The following CDC42SE2 variants were observed in gnomAD, a reference collection of about 807,000 sequenced individuals.
CDC42SE2 encodes CDC42 small effector protein 2.
CDC42SE2 carries 3 observed loss-of-function variants against 11.5 expected under a neutral mutation model. The ratio of observed to expected loss-of-function variants is 0.26; its 90% confidence interval spans 0.12 to 0.67. The LOEUF (loss-of-function observed/expected upper bound fraction) is 0.67. CDC42SE2 is among the 30% of genes least tolerant of loss of function. The pLI is 0.80. For synonymous variants in CDC42SE2, 33 were observed against 34.8 expected, an observed-to-expected ratio of 0.95 and a Z score of 0.18; for missense variants, 82 against 106.8, an observed-to-expected ratio of 0.77 and a Z score of 1.02.
chr5:131,231,153 C>A, the CDC42SE2 span, among the ~76,000 whole-genome samples: 1 of 152,076 alleles, frequency 6.6e-6, no homozygotes, highest in Admixed American at 6.6e-5. Context: ...CTTCTCCCTC[C>A]TTTTTAATTC....
chr5:131,232,766 A>C, the CDC42SE2 span, among the ~76,000 whole-genome samples: 1 of 150,626 alleles, frequency 6.6e-6, no homozygotes, highest in African/African-American at 2.4e-5. Context: ...CAAAACAGAA[A>C]TATTATCCCG....
chr5:131,237,168 G>A, the CDC42SE2 span, among the ~76,000 whole-genome samples: 41,300 of 151,874 alleles, frequency 0.27, 6,984 homozygotes, highest in African/African-American at 0.48. Context: ...ATTGTTTTTT[G>A]CATCCCACTC....
intron 1 of CDC42SE2, among the ~76,000 whole-genome samples, chr5:131,285,638 T>C (rs1427134029): frequency 1.3e-5 from 2 of 152,208 alleles, no homozygotes; most frequent in Non-Finnish European, 2.9e-5. Flanking sequence ...AACTCTATTC[T>C]AGGATTTTTA....
At chr5:131,255,867 AT>A (rs1263839519) in intron 2 of CDC42SE2, among the ~76,000 whole-genome samples, 1 of 152,232 alleles carries the variant, frequency 6.6e-6, no homozygotes, top group African/African-American at 2.4e-5. Flanking sequence ...TATATGAATT[AT>A]TAAATTTAAT....
At chr5:131,296,912 A>G in intron 1 of CDC42SE2, among the ~76,000 whole-genome samples, 1 of 152,056 alleles carries the variant, frequency 6.6e-6, no homozygotes, top group Non-Finnish European at 1.5e-5. Context: ...AGATTATTAT[A>G]AAAGATTTCC....
Position 131,364,787 on chromosome 5 carries a change from A to G in CDC42SE2, c.54+5240A>G, listed in dbSNP as rs144042242. ...CTGCCATTTGTTGTTGTTCTGATGT[A>G]TAGTTTTAACCTATAATAGTCAGGG... is the stretch of plus-strand genomic sequence containing the variant. On this transcript the variant is annotated intron_variant, in intron 3 of 4. Transcript: ENST00000505065. 7.3e-3 allele frequency among the ~76,000 whole-genome samples: 1,111 copies of G among 152,264 alleles called. 15 individuals are homozygous for G. Among genetic ancestry groups the G allele is most frequent in the African/African-American group, 0.026 (1,065 of 41,524 alleles).
chr5:131,289,764 A>G (rs970411556), intron 1 of CDC42SE2, among the ~76,000 whole-genome samples: 1 of 152,038 alleles, frequency 6.6e-6, no homozygotes, highest in Non-Finnish European at 1.5e-5. Flanking sequence ...GTCTCTCCCA[A>G]TTGTCCTTTT....
upstream of CDC42SE2, among the ~76,000 whole-genome samples, chr5:131,243,039 C>T (rs1291045670): frequency 6.6e-6 from 1 of 152,218 alleles, no homozygotes; most frequent in Non-Finnish European, 1.5e-5. Context: ...CTTACTCATC[C>T]TTAGTCCTTT....
intron 2 of CDC42SE2, among the ~76,000 whole-genome samples, chr5:131,357,111 T>C (rs1378570605): frequency 6.6e-6 from 1 of 152,234 alleles, no homozygotes; most frequent in East Asian, 1.9e-4. Context: ...AACTTCACAG[T>C]ATTTACCCAA....
chr5:131,348,703 A>T (rs977989545), intron 2 of CDC42SE2, among the ~76,000 whole-genome samples: 2 of 152,196 alleles, frequency 1.3e-5, no homozygotes, highest in Non-Finnish European at 2.9e-5. Flanking sequence ...AAGCCAAAAG[A>T]ACAAAGGTGG....
At chr5:131,319,975 C>T (rs1005258730) in intron 2 of CDC42SE2, among the ~76,000 whole-genome samples, 15 of 141,358 alleles carry the variant, frequency 1.1e-4, no homozygotes, top group Non-Finnish European at 1.7e-4. Context: ...GGCGTGAACC[C>T]GGGAGGCAGA....
intron 1 of CDC42SE2, among the ~76,000 whole-genome samples, chr5:131,281,261 C>A (rs755776653): frequency 6.6e-6 from 1 of 152,146 alleles, no homozygotes; most frequent in Non-Finnish European, 1.5e-5. Context: ...TTTTCTCTTA[C>A]CCCCTTGTGC....
rs1750745509 is a variant in CDC42SE2 at position 131,393,714 on chromosome 5, A to T, written c.*2623A>T. 6.6e-6 allele frequency: 1 copy of T among 152,070 alleles called. No homozygotes were observed. Among genetic ancestry groups the T allele is most frequent in the South Asian group, 2.1e-4 (1 of 4,824 alleles). 9.4% of individuals were successfully genotyped at this position (152,070 alleles called of 1,614,324 possible). ...ACTTCTATTTTGACTGACTCTTTAA[A>T]TTAGTACAATTTTTCTACTTGTCAT... On this transcript the variant is annotated 3_prime_UTR_variant, in exon 5 of 5. Coordinates refer to ENST00000505065, the MANE Select transcript of CDC42SE2 (RefSeq NM_001375635.1).
the CDC42SE2 span, among the ~76,000 whole-genome samples, chr5:131,210,249 G>T: frequency 6.6e-6 from 1 of 152,216 alleles, no homozygotes; most frequent in African/African-American, 2.4e-5. Context: ...ATACAGAGGT[G>T]CTGGAGGCAA....
At chr5:131,350,524 A>G (rs1004908238) in intron 2 of CDC42SE2, among the ~76,000 whole-genome samples, 1 of 152,074 alleles carries the variant, frequency 6.6e-6, no homozygotes, top group Non-Finnish European at 1.5e-5. Flanking sequence ...CTGTTATGAA[A>G]ATTGACATTT....
Position 131,385,624 on chromosome 5 carries a change from C to A in CDC42SE2, c.136C>A (p.Leu46Met). 6.2e-7 allele frequency: 1 copy of A among 1,611,512 alleles called. No individual in the cohort carries two copies. The highest frequency in any genetic ancestry group is 8.5e-7 in the Non-Finnish European group (1 of 1,177,742). ...TACAGCTCATGTTGGATCAGGAGAC[C>A]TGTTCAGTGGAATGAATTCAGTAAG... is the stretch of plus-strand genomic sequence containing the variant. The part of the protein sequence containing the change: ...VHTAHVGSGD[L>M]FSGMNSVSSI... Residue 46 changes from leucine to methionine, a missense_variant, in exon 4 of 5, where the codon CTG (leucine) becomes ATG (methionine). Leu to Met is a conservative substitution (Grantham distance 15). Transcript: ENST00000505065.
intron 1 of CDC42SE2, among the ~76,000 whole-genome samples, chr5:131,272,507 A>T (rs1757014776): frequency 6.6e-6 from 1 of 151,840 alleles, no homozygotes. Flanking sequence ...CTTTACCCAT[A>T]CTTTGCCTTT....
At chr5:131,211,535 T>C in the CDC42SE2 span, among the ~76,000 whole-genome samples, 23,250 of 152,254 alleles carry the variant, frequency 0.15, 2,146 homozygotes, top group South Asian at 0.23. Context: ...TCTTGTCATT[T>C]TTTATTGTGG....
the CDC42SE2 span, among the ~76,000 whole-genome samples, chr5:131,226,028 T>C: frequency 6.6e-6 from 1 of 152,196 alleles, no homozygotes; most frequent in African/African-American, 2.4e-5. Flanking sequence ...GCTTTAACCA[T>C]TTCCATGGCT....
Sources: gnomAD v4.1 joint callset for allele counts (sites outside exome capture counted in the v4.1 genomes callset) on GRCh38, gnomAD v4.1.1 for gene constraint, MANE v1.5 for transcripts, NCBI Gene and HGNC (gene_info 2026-07-23, HGNC 2026-07-21) for gene names.